The following LYRM9 variants were observed in gnomAD, a reference collection of about 807,000 sequenced individuals.
The protein encoded by LYRM9 is LYR motif containing 9, also known as LYR motif-containing protein 9.
LYRM9 carries 14 observed loss-of-function variants against 12.6 expected under a neutral mutation model. The observed-to-expected ratio is 1.11, with a 90% CI of 0.73 to 1.73. The LOEUF is 1.73. Ranked by LOEUF, LYRM9 falls within the 40% of genes most tolerant of loss-of-function variation. The probability of loss-of-function intolerance (pLI) is 0.00; values close to 1 mark genes in which losing one functional copy is unlikely to be tolerated. For synonymous variants in LYRM9, 42 were observed against 35.1 expected, an observed-to-expected ratio of 1.20 and a Z score of -0.69; for missense variants, 94 against 95.0, an observed-to-expected ratio of 0.99 and a Z score of 0.04.
At chr17:27,880,204 C>A in intron 3 of LYRM9, 70 bp downstream of exon 3, 2 of 1,233,674 alleles carry the variant, frequency 1.6e-6, no homozygotes, top group Non-Finnish European at 2.3e-6. Flanking sequence ...GGAGTGGCCT[C>A]TAGTGGTCAT....
chr17:27,882,995 G>A (rs1288521018), intron 1 of LYRM9: 5 of 528,680 alleles, frequency 9.5e-6, no homozygotes, highest in South Asian at 1.5e-5. Flanking sequence ...GCATGAGTAG[G>A]TGTCCCTCAC....
At position 27,879,933 on chromosome 17, in the gene LYRM9, C is replaced by G. The variant is rs988411843; in HGVS notation, c.219+341G>C. The G allele has an allele frequency of 6.0e-5, 36 of 601,378 alleles. No individual in the cohort carries two copies. The East Asian group carries it at 6.7e-4, about 11-fold the overall frequency. The allele number at this position is 601,378 out of a possible 1,614,324, so 37.3% of individuals were successfully genotyped here. A position where few individuals can be genotyped will look rare whatever the true frequency, so the allele number is the denominator to read the frequency against. The stretch of plus-strand genomic sequence containing the variant: ...AGAGACAGGGAGTCCCCCGCCAGGA[C>G]AGCTTCCCTCTCTGCGGCATCACAG... On this transcript the variant is annotated intron_variant, in intron 3 of 3. Transcript: ENST00000379102.
chr17:27,887,374 G>A (rs1278812550), intron 1 of LYRM9, among the ~76,000 whole-genome samples: 1 of 152,298 alleles, frequency 6.6e-6, no homozygotes, highest in Admixed American at 6.5e-5. Context: ...TTTTTCAAAT[G>A]CTCATAAAAC....
intron 1 of LYRM9, among the ~76,000 whole-genome samples, chr17:27,887,319 G>A (rs574822431): frequency 6.6e-6 from 1 of 152,244 alleles, no homozygotes; most frequent in East Asian, 1.9e-4. Context: ...TGTGTAATGA[G>A]GGGGGAAAAA....
chr17:27,882,689 G>T lies in LYRM9; in HGVS notation c.6C>A (p.Ala2=). The T allele has an allele frequency of 6.9e-6, 11 of 1,601,130 alleles. No homozygotes were observed. Among genetic ancestry groups the T allele is most frequent in the Non-Finnish European group, 9.4e-6 (11 of 1,173,912 alleles). ...GAACCAGTTCTGCTCCTGGCAGCGGGGCCATCCGTGAGACCCTCTGTCCCT... is the reference window on the plus strand; with the variant it reads ...GAACCAGTTCTGCTCCTGGCAGCGGTGCCATCCGTGAGACCCTCTGTCCCT... M[A]PLPGAELVRR... is the part of the protein sequence containing the mutation. Residue 2 remains alanine, a synonymous_variant, in exon 2 of 4, where the codon GCC becomes GCA. Transcript: ENST00000379102.
intron 3 of LYRM9, 103 bp downstream of exon 3, chr17:27,880,171 G>C (rs1325340939): frequency 5.6e-6 from 5 of 900,660 alleles, no homozygotes; most frequent in Non-Finnish European, 9.0e-6. Context: ...TCCTCCACAG[G>C]GACCATTCTC....
At chr17:27,882,844 C>G in intron 1 of LYRM9, 132 bp from the exon 2 acceptor site, 4 of 1,040,134 alleles carry the variant, frequency 3.8e-6, no homozygotes, top group African/African-American at 3.2e-5. Flanking sequence ...TCCCATGGAG[C>G]CTGCACCTTG....
chr17:27,892,714 A>G, intron 1 of LYRM9: 1 of 290,052 alleles, frequency 3.4e-6, no homozygotes, highest in Non-Finnish European at 6.8e-6. Context: ...GTTCTAAAAC[A>G]TTATGGTGAC....
chr17:27,888,461 G>A (rs1905309458), intron 1 of LYRM9, among the ~76,000 whole-genome samples: 1 of 152,206 alleles, frequency 6.6e-6, no homozygotes. Context: ...CACTGGATGT[G>A]AAACGATAGT....
intron 1 of LYRM9, chr17:27,892,438 C>G (rs1215830308): frequency 1.1e-5 from 5 of 455,700 alleles, no homozygotes; most frequent in Admixed American, 9.4e-5. Context: ...TCAATTGATT[C>G]CCAAGTTACC....
intron 2 of LYRM9, 57 bp downstream of exon 2, chr17:27,882,512 G>A: frequency 1.3e-6 from 2 of 1,483,572 alleles, no homozygotes; most frequent in South Asian, 1.4e-5. Flanking sequence ...CCTCTGACCT[G>A]CGCCCCTAAG....
chr17:27,883,653 A>G (rs1403067315), intron 1 of LYRM9, among the ~76,000 whole-genome samples: 1 of 150,980 alleles, frequency 6.6e-6, no homozygotes, highest in African/African-American at 2.4e-5. Flanking sequence ...CCAACTCAAA[A>G]AAAAAAAAAA....
At chr17:27,889,489 G>A (rs567800426) in intron 1 of LYRM9, among the ~76,000 whole-genome samples, 24 of 152,010 alleles carry the variant, frequency 1.6e-4, no homozygotes, top group African/African-American at 5.5e-4. Context: ...TCTATTTTTA[G>A]TAGAGACGGA....
chr17:27,892,019 C>T (rs1291036574), intron 1 of LYRM9: 1 of 156,340 alleles, frequency 6.4e-6, no homozygotes, highest in Non-Finnish European at 1.4e-5. Context: ...GCAGTCACAA[C>T]TGCCCGGGCT....
At chr17:27,887,146 A>G (rs375128478) in intron 1 of LYRM9, among the ~76,000 whole-genome samples, 2 of 152,106 alleles carry the variant, frequency 1.3e-5, no homozygotes, top group East Asian at 3.9e-4. Flanking sequence ...TCTTTCTAAA[A>G]CATAAATCTC....
At chr17:27,890,965 G>T (rs1444692707) in intron 1 of LYRM9, among the ~76,000 whole-genome samples, 2 of 148,212 alleles carry the variant, frequency 1.3e-5, no homozygotes, top group East Asian at 4.0e-4. Context: ...AGGCTCTAAA[G>T]TCCCCTCACC....
At chr17:27,888,447 T>C (rs191840190) in intron 1 of LYRM9, among the ~76,000 whole-genome samples, 26 of 152,340 alleles carry the variant, frequency 1.7e-4, no homozygotes, top group Admixed American at 1.5e-3. Context: ...TGAATGAAAA[T>C]CTTCACTGGA....
chr17:27,880,226 C>A, intron 3 of LYRM9, 48 bp downstream of exon 3: 1 of 1,430,142 alleles, frequency 7.0e-7, no homozygotes, highest in Non-Finnish European at 9.7e-7. Context: ...GGGATCACAG[C>A]CATCATCACC....
intron 1 of LYRM9, among the ~76,000 whole-genome samples, chr17:27,883,926 A>C (rs971525607): frequency 2.0e-5 from 3 of 149,162 alleles, no homozygotes; most frequent in African/African-American, 7.4e-5. Context: ...AAAGTATATA[A>C]TTTGATAAGT....
Sources: gnomAD v4.1 joint callset for allele counts (sites outside exome capture counted in the v4.1 genomes callset) on GRCh38, gnomAD v4.1.1 for gene constraint, MANE v1.5 for transcripts, NCBI Gene and HGNC (gene_info 2026-07-23, HGNC 2026-07-21) for gene names.